Variants in TBX15 observed in about 807,000 individuals in gnomAD.
TBX15 encodes the protein T-box transcription factor 15, also known as T-box transcription factor TBX15.
In TBX15, 18 loss-of-function variants were observed where a neutral mutation model predicts 53.9. That is an observed-to-expected ratio of 0.33 (90% CI 0.23 to 0.49). TBX15 has a LOEUF of 0.49. Among genes scored for constraint, TBX15 ranks in the 20% least tolerant of loss-of-function variants. TBX15 has a pLI of 0.98. For missense variants in TBX15, 692 were observed against 749.5 expected (o/e 0.92, Z 0.90); for synonymous variants, 295 against 278.0 (o/e 1.06, Z -0.61).
At chr1:118,920,508 G>T (rs1219156651) in intron 5 of TBX15, among the ~76,000 whole-genome samples, 3 of 152,154 alleles carry the variant, frequency 2.0e-5, no homozygotes, top group Non-Finnish European at 4.4e-5. Flanking sequence ...TGTGTGAGGA[G>T]GAATAACAGA....
intron 2 of TBX15, 102 bp downstream of exon 2, chr1:118,931,517 G>A: frequency 7.8e-7 from 1 of 1,289,588 alleles, no homozygotes; most frequent in Non-Finnish European, 1.1e-6. Flanking sequence ...AGCTGCTTTG[G>A]TTTTGTTGAT....
chr1:118,912,087 C>T (rs1007777842), intron 6 of TBX15, among the ~76,000 whole-genome samples: 1 of 151,994 alleles, frequency 6.6e-6, no homozygotes, highest in Non-Finnish European at 1.5e-5. Flanking sequence ...AAATCAAATT[C>T]AACTTTAGAA....
chr1:118,979,550 G>A (rs925158997), intron 1 of TBX15, among the ~76,000 whole-genome samples: 3 of 152,160 alleles, frequency 2.0e-5, no homozygotes, highest in African/African-American at 4.8e-5. Context: ...GCAAAAGCTC[G>A]AACTCCCCTC....
At chr1:118,948,300 C>T (rs1779421) in intron 1 of TBX15, among the ~76,000 whole-genome samples, 5 of 152,058 alleles carry the variant, frequency 3.3e-5, no homozygotes, top group African/African-American at 1.2e-4. Context: ...GAGATTGGCT[C>T]TATCACATAT....
intron 6 of TBX15, among the ~76,000 whole-genome samples, chr1:118,907,197 G>C (rs942152171): frequency 1.3e-5 from 2 of 152,206 alleles, no homozygotes; most frequent in Non-Finnish European, 2.9e-5. Flanking sequence ...AACTGTGTCA[G>C]ATGGGACAGT....
intron 1 of TBX15, among the ~76,000 whole-genome samples, chr1:118,962,657 T>G (rs538097676): frequency 1.3e-5 from 2 of 152,186 alleles, no homozygotes; most frequent in African/African-American, 2.4e-5. Context: ...AACTGAAGTT[T>G]TCATGTCCCC....
At chr1:118,963,607 T>C (rs544648616) in intron 1 of TBX15, among the ~76,000 whole-genome samples, 12 of 152,334 alleles carry the variant, frequency 7.9e-5, no homozygotes, top group African/African-American at 2.4e-4. Flanking sequence ...TGTGTTGAGA[T>C]GGTGGAACTA....
At chr1:118,887,349 A>G (rs1446603249) in intron 7 of TBX15, among the ~76,000 whole-genome samples, 2 of 152,198 alleles carry the variant, frequency 1.3e-5, no homozygotes, top group Non-Finnish European at 2.9e-5. Flanking sequence ...AAGAGCAGGA[A>G]TAAGGTTTTT....
intron 1 of TBX15, among the ~76,000 whole-genome samples, chr1:118,958,624 G>T (rs1431189987): frequency 6.6e-6 from 1 of 152,082 alleles, no homozygotes; most frequent in African/African-American, 2.4e-5. Context: ...AACAAACACA[G>T]TCTATGACTC....
At chr1:118,936,618 G>T (rs527800317) in intron 1 of TBX15, among the ~76,000 whole-genome samples, 8 of 152,224 alleles carry the variant, frequency 5.3e-5, no homozygotes, top group African/African-American at 1.9e-4. Context: ...TTATTGACTT[G>T]GGACAGGGAG....
chr1:118,899,016 C>G lies in TBX15; in HGVS notation c.1024+12G>C, dbSNP rs771649619. On this transcript the variant is annotated intron_variant, in intron 7 of 7. Transcript: ENST00000369429. ...CCTATCACTAAGCAGAGGCCTTGCT[C>G]CAGGGCTTTACCTTGCTGCTTCTGC... 27 of 1,613,074 alleles carry G rather than the reference C, an allele frequency of 1.7e-5. No individual in the cohort carries two copies. The highest frequency in any genetic ancestry group is 1.2e-4 in the Admixed American group (7 of 59,874).
At chr1:118,911,712 C>T (rs1033827031) in intron 6 of TBX15, among the ~76,000 whole-genome samples, 1 of 152,188 alleles carries the variant, frequency 6.6e-6, no homozygotes, top group African/African-American at 2.4e-5. Flanking sequence ...TCTCATGATA[C>T]TCAGTCATGT....
intron 2 of TBX15, among the ~76,000 whole-genome samples, chr1:118,928,653 G>T (rs1655677386): frequency 6.6e-6 from 1 of 152,132 alleles, no homozygotes; most frequent in Admixed American, 6.5e-5. Flanking sequence ...AGAAAATATG[G>T]TTTCCCCCAG....
At chr1:118,986,588 C>A (rs1039849594) in intron 1 of TBX15, among the ~76,000 whole-genome samples, 1 of 150,148 alleles carries the variant, frequency 6.7e-6, no homozygotes, top group Admixed American at 6.6e-5. Flanking sequence ...AGCTCCTGAG[C>A]CCCAGACCGT....
At chr1:118,926,660 T>C in intron 2 of TBX15, 49 bp from the exon 3 acceptor site, 5 of 1,493,152 alleles carry the variant, frequency 3.3e-6, no homozygotes, top group Non-Finnish European at 4.7e-6. Context: ...GTGGGAGAAG[T>C]AGCAGGGGTA....
At chr1:118,978,018 G>T (rs879568903) in intron 1 of TBX15, among the ~76,000 whole-genome samples, 6 of 152,080 alleles carry the variant, frequency 3.9e-5, no homozygotes, top group Non-Finnish European at 8.8e-5. Context: ...AGTTATTTCT[G>T]GGAATGGCAC....
chr1:118,959,577 G>A (rs10923709), intron 1 of TBX15, among the ~76,000 whole-genome samples: 29,283 of 152,058 alleles, frequency 0.19, 3,356 homozygotes, highest in East Asian at 0.5. Flanking sequence ...TTTCACTGCT[G>A]TTGTGTTTTC....
At chr1:118,927,183 T>G (rs966635782) in intron 2 of TBX15, among the ~76,000 whole-genome samples, 1 of 152,208 alleles carries the variant, frequency 6.6e-6, no homozygotes, top group Admixed American at 6.5e-5. Flanking sequence ...TAAATTGACC[T>G]ATTTGATGAT....
rs554983122 is a variant in TBX15, at chr1:118,952,779, C to T, written c.206-20947G>A. Among the ~76,000 whole-genome samples, 5 of 152,230 alleles carry T rather than the reference C, an allele frequency of 3.3e-5. No individual in the cohort carries two copies. The South Asian group carries it at 1.0e-3, about 32-fold the overall frequency. ...TCAGAAAGCTAATAAGGACTTTTTC[C>T]TTGGCCAAGAAACTACACTAGGAGC... On this transcript the variant is annotated intron_variant, in intron 1 of 7. Coordinates refer to ENST00000369429, the MANE Select transcript of TBX15 (RefSeq NM_001330677.2).
Sources: gnomAD v4.1 joint callset for allele counts (sites outside exome capture counted in the v4.1 genomes callset) on GRCh38, gnomAD v4.1.1 for gene constraint, MANE v1.5 for transcripts, NCBI Gene and HGNC (gene_info 2026-07-23, HGNC 2026-07-21) for gene names.